Variants in GPC6 observed in about 807,000 individuals in gnomAD.
GPC6 encodes glypican 6, also known as glypican-6.
GPC6 carries 14 observed loss-of-function variants against 55.2 expected under a neutral mutation model. The observed-to-expected ratio is 0.25, with a 90% CI of 0.17 to 0.40. The LOEUF (loss-of-function observed/expected upper bound fraction) is 0.40, where lower values mean the gene tolerates loss of function less well. Ranked by LOEUF, GPC6 falls within the 10% of genes least tolerant of loss-of-function variation. The pLI, the probability that GPC6 is intolerant of heterozygous loss-of-function variation, is 1.00. For synonymous variants in GPC6, 278 were observed against 259.6 expected, an observed-to-expected ratio of 1.07 and a Z score of -0.68; for missense variants, 641 against 708.5, an observed-to-expected ratio of 0.90 and a Z score of 1.08.
rs187796676 is a variant in GPC6 at position 93,447,954 on chromosome 13, T to C, written c.161-97309T>C. 1.7e-3 allele frequency among the ~76,000 whole-genome samples: 253 copies of C among 152,338 alleles called. 3 individuals carry two copies. The highest frequency in any genetic ancestry group is 1.0e-3 in the Non-Finnish European group (69 of 68,020). On this transcript the variant is annotated intron_variant, in intron 1 of 8. Transcript: ENST00000377047. ...TGCCGCTGTTCATAAATAATGTCTA[T>C]TCATTGCTGAGTTAAACTAGATGTC...
chr13:93,938,280 T>C (rs1440614210), intron 3 of GPC6, among the ~76,000 whole-genome samples: 1 of 152,210 alleles, frequency 6.6e-6, no homozygotes, highest in Non-Finnish European at 1.5e-5. Flanking sequence ...CTCTAGTCCA[T>C]AAATAATGTA....
At chr13:93,820,644 T>G (rs185654072) in intron 2 of GPC6, among the ~76,000 whole-genome samples, 1 of 151,650 alleles carries the variant, frequency 6.6e-6, no homozygotes, top group African/African-American at 2.4e-5. Flanking sequence ...ATAACAATAG[T>G]TTTTCTTAAC....
Position 93,856,538 on chromosome 13 carries a change from G to T in GPC6, c.711+25993G>T, listed in dbSNP as rs1594528738. Among the ~76,000 whole-genome samples the T allele has an allele frequency of 2.0e-5, 3 of 151,750 alleles. No homozygotes were observed. The South Asian group carries it at 6.2e-4, about 31-fold the overall frequency. Reference sequence around the variant, plus strand: ...TGTGTGTAGCAAAAATATTTGCACAGTTTACTCCAAAGAGTAAGTAAGAAA... The same window carrying T: ...TGTGTGTAGCAAAAATATTTGCACATTTTACTCCAAAGAGTAAGTAAGAAA... On this transcript the variant is annotated intron_variant, in intron 3 of 8. Transcript: ENST00000377047.
At chr13:93,542,728 G>A (rs1882369340) in intron 1 of GPC6, among the ~76,000 whole-genome samples, 1 of 152,130 alleles carries the variant, frequency 6.6e-6, no homozygotes, top group South Asian at 2.1e-4. Flanking sequence ...TCTCCTTGAA[G>A]AGGTCCATCA....
chr13:93,680,827 C>T (rs1881821325), intron 2 of GPC6, among the ~76,000 whole-genome samples: 1 of 152,036 alleles, frequency 6.6e-6, no homozygotes, highest in Non-Finnish European at 1.5e-5. Context: ...TTTTGGCCTC[C>T]CTTTTTGAGA....
At chr13:94,396,898 T>C (rs1259453892) in intron 7 of GPC6, among the ~76,000 whole-genome samples, 4 of 152,206 alleles carry the variant, frequency 2.6e-5, no homozygotes, top group African/African-American at 7.2e-5. Context: ...TGCCAGCTAT[T>C]AGCTCTGTGA....
chr13:94,145,792 A>G (rs1456021613), intron 4 of GPC6, among the ~76,000 whole-genome samples: 1 of 152,196 alleles, frequency 6.6e-6, no homozygotes, highest in African/African-American at 2.4e-5. Context: ...GTAATTTAAC[A>G]GAAGGGAACA....
intron 1 of GPC6, among the ~76,000 whole-genome samples, chr13:93,452,590 CTTGT>C (rs1361048894): frequency 6.6e-6 from 1 of 152,190 alleles, no homozygotes; most frequent in Non-Finnish European, 1.5e-5. Context: ...AGCTATACAA[CTTGT>C]CTTTTTGTTT....
At chr13:93,544,903 A>T (rs992434635) in intron 1 of GPC6, among the ~76,000 whole-genome samples, 9 of 152,114 alleles carry the variant, frequency 5.9e-5, no homozygotes, top group Non-Finnish European at 1.2e-4. Context: ...GCCTTACTTG[A>T]GGTTTCCCGA....
At chr13:93,409,287 C>A (rs1876408397) in intron 1 of GPC6, among the ~76,000 whole-genome samples, 1 of 152,018 alleles carries the variant, frequency 6.6e-6, no homozygotes, top group South Asian at 2.1e-4. Flanking sequence ...AAGTATATAA[C>A]ATTCTTATTT....
chr13:93,811,343 A>T (rs1886688981), intron 2 of GPC6, among the ~76,000 whole-genome samples: 1 of 152,210 alleles, frequency 6.6e-6, no homozygotes, highest in African/African-American at 2.4e-5. Flanking sequence ...TCCCTCTTTG[A>T]CAGAGTGATT....
At chr13:93,932,865 A>G (rs139557909) in intron 3 of GPC6, among the ~76,000 whole-genome samples, 18 of 152,288 alleles carry the variant, frequency 1.2e-4, no homozygotes, top group African/African-American at 4.1e-4. Flanking sequence ...CTAATGGCTT[A>G]AAACAAAACA....
chr13:94,093,810 A>G (rs1031510508), intron 4 of GPC6, among the ~76,000 whole-genome samples: 1 of 152,080 alleles, frequency 6.6e-6, no homozygotes, highest in African/African-American at 2.4e-5. Context: ...CAGAAGTTGT[A>G]AAGTGAAACC....
intron 1 of GPC6, among the ~76,000 whole-genome samples, chr13:93,231,000 CTT>C (rs1464284927): frequency 6.6e-6 from 1 of 151,990 alleles, no homozygotes; most frequent in African/African-American, 2.4e-5. Flanking sequence ...TTAACAATCT[CTT>C]ATATAGAATT....
chr13:93,659,975 A>C (rs1201443574), intron 2 of GPC6, among the ~76,000 whole-genome samples: 1 of 152,106 alleles, frequency 6.6e-6, no homozygotes, highest in Non-Finnish European at 1.5e-5. Context: ...TTTGGAGTAG[A>C]GGCAGAGAGT....
chr13:94,013,151 C>G (rs1319605872), intron 3 of GPC6, among the ~76,000 whole-genome samples: 1 of 151,900 alleles, frequency 6.6e-6, no homozygotes, highest in Non-Finnish European at 1.5e-5. Context: ...ATGTATTTAA[C>G]TAGCAGAAAG....
rs1373448153 is a variant in GPC6, at chr13:94,044,260, T to A, written c.877+16366T>A. Among the ~76,000 whole-genome samples, 6 of 151,902 alleles carry A rather than the reference T, an allele frequency of 3.9e-5. No homozygotes were observed. In the South Asian group the frequency reaches 1.0e-3, roughly 26 times the overall value. On this transcript the variant is annotated intron_variant, in intron 4 of 8. Transcript: ENST00000377047. ...TATTTGATTATATTTCCTTTTTTCT[T>A]ACAAGAAGGGTAGCATACTGTAGAT...
chr13:93,776,594 G>GA (rs1460450310), intron 2 of GPC6, among the ~76,000 whole-genome samples: 9 of 148,486 alleles, frequency 6.1e-5, no homozygotes, highest in African/African-American at 9.9e-5. Flanking sequence ...GGTATGTTCA[G>GA]AAAAAAAAAG....
intron 6 of GPC6, among the ~76,000 whole-genome samples, chr13:94,362,683 GT>G (rs1173689478): frequency 1.3e-5 from 2 of 152,102 alleles, no homozygotes; most frequent in African/African-American, 4.8e-5. Flanking sequence ...GCAAGTCACT[GT>G]TCGACTTTTT....
Sources: allele counts gnomAD v4.1 joint callset (sites outside exome capture counted in the v4.1 genomes callset), GRCh38; gene constraint gnomAD v4.1.1; transcripts MANE v1.5; gene names NCBI Gene and HGNC (gene_info 2026-07-23, HGNC 2026-07-21).